ALPK2: variants seen among roughly 807,000 people sequenced by gnomAD.
ALPK2 encodes alpha kinase 2.
A neutral mutation model predicts 163.1 loss-of-function variants in ALPK2; 127 were observed. The observed-to-expected ratio is 0.78, with a 90% confidence interval of 0.67 to 0.90. The LOEUF is 0.90. Among genes scored for constraint, ALPK2 ranks in the 40% least tolerant of loss-of-function variants. ALPK2 has a pLI of 0.00. For missense variants in ALPK2, 2,360 were observed against 2,589.6 expected, an observed-to-expected ratio of 0.91 and a Z score of 1.92; for synonymous variants, 953 against 959.1, an observed-to-expected ratio of 0.99 and a Z score of 0.12.
intron 10 of ALPK2, among the ~76,000 whole-genome samples, chr18:58,506,912 C>T (rs755636968): frequency 6.6e-6 from 1 of 152,102 alleles, no homozygotes; most frequent in Non-Finnish European, 1.5e-5. Flanking sequence ...AAAGTGTCTC[C>T]ATAACCACCA....
At chr18:58,482,936 G>A (rs2051319191) in intron 12 of ALPK2, among the ~76,000 whole-genome samples, 1 of 152,150 alleles carries the variant, frequency 6.6e-6, no homozygotes, top group Non-Finnish European at 1.5e-5. Context: ...AGGGTAGTAG[G>A]CTATTGCAGC....
intron 5 of ALPK2, among the ~76,000 whole-genome samples, chr18:58,530,925 G>A (rs1206128665): frequency 1.3e-5 from 2 of 152,148 alleles, no homozygotes; most frequent in African/African-American, 4.8e-5. Context: ...CTCAGGCCTG[G>A]CATGGTGGTT....
At chr18:58,507,444 G>A (rs7231568) in intron 10 of ALPK2, among the ~76,000 whole-genome samples, 25,582 of 152,154 alleles carry the variant, frequency 0.17, 2,243 homozygotes, top group Non-Finnish European at 0.19. Flanking sequence ...CACAACGTCA[G>A]GAAAAGTTGT....
At chr18:58,559,879 CTCTG>C (rs527445749) in intron 4 of ALPK2, among the ~76,000 whole-genome samples, 133 of 152,338 alleles carry the variant, frequency 8.7e-4, no homozygotes, top group African/African-American at 3.1e-3. Context: ...AAATTACCTA[CTCTG>C]TCTGTTTCTG....
rs769096264 is a variant in ALPK2 at position 58,537,056 on chromosome 18, G to A, written c.3131C>T (p.Ser1044Phe). 6.2e-7 allele frequency: 1 copy of A among 1,614,066 alleles called. No homozygotes were observed. The highest frequency in any genetic ancestry group is 8.5e-7 in the Non-Finnish European group (1 of 1,180,022). The change falls in exon 5 of 13, where the codon TCC becomes TTC. Residue 1044 changes from serine to phenylalanine, a missense_variant. Coordinates refer to ENST00000361673, the MANE Select transcript of ALPK2 (RefSeq NM_052947.4). ...GGTEERFPRA[S>F]HEKVSQFPSQ... ...AGGAAATTGGGAAACCTTTTCATGGGATGCACGAGGGAACCTCTCCTCAGT... is the reference window on the plus strand; with the variant it reads ...AGGAAATTGGGAAACCTTTTCATGGAATGCACGAGGGAACCTCTCCTCAGT...
intron 3 of ALPK2, among the ~76,000 whole-genome samples, chr18:58,602,420 G>A (rs189261101): frequency 2.0e-5 from 3 of 152,152 alleles, no homozygotes; most frequent in South Asian, 4.2e-4. Flanking sequence ...TCAAGTTGTC[G>A]TCAAGCCATG....
chr18:58,606,441 C>T (rs1460933891), intron 3 of ALPK2, among the ~76,000 whole-genome samples: 1 of 152,206 alleles, frequency 6.6e-6, no homozygotes, highest in Admixed American at 6.5e-5. Flanking sequence ...TTATGAACAA[C>T]TCCTCTACAA....
intron 1 of ALPK2, among the ~76,000 whole-genome samples, chr18:58,612,976 G>T (rs2052141230): frequency 6.6e-6 from 1 of 152,208 alleles, no homozygotes. Flanking sequence ...ATCCAGGGAT[G>T]CTGAGGTCCC....
chr18:58,554,399 T>C (rs1056860575), intron 4 of ALPK2, among the ~76,000 whole-genome samples: 8 of 152,184 alleles, frequency 5.3e-5, no homozygotes, highest in African/African-American at 1.9e-4. Flanking sequence ...TTGCTGGTAG[T>C]GTGATGGGCT....
intron 4 of ALPK2, among the ~76,000 whole-genome samples, chr18:58,554,147 T>A (rs1260146136): frequency 2.0e-5 from 3 of 152,150 alleles, no homozygotes; most frequent in Admixed American, 1.3e-4. Context: ...GGCATGAGCC[T>A]CTGTGCCCAC....
chr18:58,612,381 G>A (rs998411939), intron 1 of ALPK2, among the ~76,000 whole-genome samples: 2 of 152,196 alleles, frequency 1.3e-5, no homozygotes, highest in African/African-American at 4.8e-5. Flanking sequence ...TTTGAAATTA[G>A]GATATGACTG....
At chr18:58,531,045 A>T (rs534488277) in intron 5 of ALPK2, among the ~76,000 whole-genome samples, 1 of 152,044 alleles carries the variant, frequency 6.6e-6, no homozygotes, top group African/African-American at 2.4e-5. Context: ...TAGAAAAAAA[A>T]ATTAGCCAGG....
At chr18:58,556,036 G>T (rs747056820) in intron 4 of ALPK2, among the ~76,000 whole-genome samples, 1 of 152,068 alleles carries the variant, frequency 6.6e-6, no homozygotes, top group Non-Finnish European at 1.5e-5. Context: ...TAGCCAGGCT[G>T]GTCTCAAACT....
intron 4 of ALPK2, among the ~76,000 whole-genome samples, chr18:58,543,920 G>T (rs2051704279): frequency 6.6e-6 from 1 of 152,140 alleles, no homozygotes; most frequent in African/African-American, 2.4e-5. Flanking sequence ...ACCAAGGGCT[G>T]GGAACTTCCC....
At chr18:58,594,525 C>T (rs2052031718) in intron 3 of ALPK2, among the ~76,000 whole-genome samples, 1 of 152,162 alleles carries the variant, frequency 6.6e-6, no homozygotes, top group African/African-American at 2.4e-5. Flanking sequence ...GGGAGCAGGA[C>T]TAAGATGAAT....
chr18:58,590,176 C>T (rs559446045), intron 3 of ALPK2, among the ~76,000 whole-genome samples: 2 of 146,602 alleles, frequency 1.4e-5, no homozygotes, highest in African/African-American at 2.5e-5. Flanking sequence ...GCTGAGATTG[C>T]ACCACTGCAC....
intron 5 of ALPK2, 70 bp downstream of exon 5, chr18:58,534,764 G>T: frequency 1.3e-6 from 2 of 1,521,514 alleles, no homozygotes; most frequent in Non-Finnish European, 1.8e-6. Flanking sequence ...GGACCCTCGA[G>T]GACACAGGAA....
At chr18:58,564,888 T>C (rs1225445215) in intron 4 of ALPK2, among the ~76,000 whole-genome samples, 1 of 152,220 alleles carries the variant, frequency 6.6e-6, no homozygotes, top group Non-Finnish European at 1.5e-5. Flanking sequence ...ATAATTTCCT[T>C]AAACATTTAA....
At chr18:58,517,326 A>C in intron 8 of ALPK2, 144 bp from the exon 9 acceptor site, 1 of 785,236 alleles carries the variant, frequency 1.3e-6, no homozygotes, top group Non-Finnish European at 2.0e-6. Flanking sequence ...TTAACCCTTC[A>C]AAAGAGGCAT....
Sources: gnomAD v4.1 joint callset for allele counts (sites outside exome capture counted in the v4.1 genomes callset) on GRCh38, gnomAD v4.1.1 for gene constraint, MANE v1.5 for transcripts, NCBI Gene and HGNC (gene_info 2026-07-23, HGNC 2026-07-21) for gene names.